Variants in MMS19 observed in about 807,000 individuals in gnomAD.
MMS19 encodes the protein MMS19 cytosolic iron-sulfur assembly component, also known as MMS19 nucleotide excision repair protein homolog.
A neutral mutation model predicts 129.8 loss-of-function variants in MMS19; 77 were observed. That is an observed-to-expected ratio of 0.59 (90% CI 0.49 to 0.72). The LOEUF is 0.72. MMS19 is among the 30% of genes least tolerant of loss of function. The pLI is 0.00. For missense variants in MMS19, 1,168 were observed against 1,266.3 expected, an observed-to-expected ratio of 0.92 and a Z score of 1.18; for synonymous variants, 491 against 502.8, an observed-to-expected ratio of 0.98 and a Z score of 0.31.
chr10:97,466,251 T>C lies in MMS19; in HGVS notation c.1506-92A>G. ...ATTAGGCAGATTCAGGAGTGTGAGC[T>C]CCCAACGCCTCCTTGCTAAAGAGCA... On this transcript the variant is annotated intron_variant, in intron 16 of 30. Transcript: ENST00000438925. 7.9e-6 allele frequency: 8 copies of C among 1,015,438 alleles called. 1 individual carries two copies. The allele number at this position is 1,015,438 out of a possible 1,614,324, so 62.9% of individuals were successfully genotyped here.
chr10:97,487,318 C>CTT (rs201462938), intron 1 of MMS19, among the ~76,000 whole-genome samples: 34,600 of 136,810 alleles, frequency 0.25, 4,809 homozygotes, highest in African/African-American at 0.31. Flanking sequence ...GAGAAAATTT[C>CTT]TTTTTTTTTT....
chr10:97,477,306 G>A (rs1564665530), intron 6 of MMS19, 41 bp downstream of exon 6: 2 of 1,613,916 alleles, frequency 1.2e-6, no homozygotes, highest in Admixed American at 1.7e-5. Flanking sequence ...AAAGTAGGAT[G>A]TGCTTGCTTT....
intron 1 of MMS19, among the ~76,000 whole-genome samples, chr10:97,486,148 T>C (rs892815966): frequency 6.6e-6 from 1 of 152,224 alleles, no homozygotes; most frequent in Non-Finnish European, 1.5e-5. Flanking sequence ...TATTCAGCTA[T>C]AAGAAAGAAA....
intron 9 of MMS19, 35 bp downstream of exon 9, chr10:97,470,740 C>T: frequency 7.4e-7 from 1 of 1,355,212 alleles, no homozygotes; most frequent in Non-Finnish European, 1.1e-6. Flanking sequence ...CATCTATGGG[C>T]AGAGGCTATA....
chr10:97,460,335 A>G, intron 25 of MMS19, 103 bp from the exon 26 acceptor site: 1 of 1,124,126 alleles, frequency 8.9e-7, no homozygotes, highest in Non-Finnish European at 1.2e-6. Context: ...TAATCCTAGC[A>G]CTTTGGGAGG....
chr10:97,458,578 T>C lies in MMS19; in HGVS notation c.*114A>G, dbSNP rs2030524103. 9.9e-7 allele frequency: 1 copy of C among 1,005,132 alleles called. No individual in the cohort carries two copies. Among genetic ancestry groups the C allele is most frequent in the Non-Finnish European group, 1.5e-6 (1 of 683,974 alleles). 62.3% of individuals were successfully genotyped at this position (1,005,132 alleles called of 1,614,324 possible). A position where few individuals can be genotyped will look rare whatever the true frequency, so the allele number is the denominator to read the frequency against. The stretch of plus-strand genomic sequence containing the variant: ...CAACAGAGGCCTAGCATTTGTGCTG[T>C]GTCTGTGGGAAAGGCAGTCAGAGAC... On this transcript the variant is annotated 3_prime_UTR_variant, in exon 31 of 31. Transcript: ENST00000438925.
chr10:97,473,909 G>A (rs906007160), intron 8 of MMS19, among the ~76,000 whole-genome samples: 1 of 152,012 alleles, frequency 6.6e-6, no homozygotes, highest in Non-Finnish European at 1.5e-5. Flanking sequence ...TTGGGAAGTC[G>A]AGGCAGGTGG....
intron 4 of MMS19, 61 bp downstream of exon 4, chr10:97,478,243 G>A: frequency 1.5e-6 from 2 of 1,348,588 alleles, no homozygotes; most frequent in Non-Finnish European, 1.0e-6. Context: ...AAAGCGCAAG[G>A]AGAGAACTAG....
At chr10:97,493,998 G>T (rs1304116050) in intron 1 of MMS19, among the ~76,000 whole-genome samples, 2 of 152,164 alleles carry the variant, frequency 1.3e-5, no homozygotes, top group Admixed American at 1.3e-4. Flanking sequence ...CTGGGCAACA[G>T]AGCAAAACTC....
chr10:97,462,769 C>CTGGGGCT lies in MMS19; in HGVS notation c.1913-94_1913-88dup. Reference sequence around the variant, plus strand: ...TTGGGTTCTGTCAGCATCACTGACTCTGGGGCTTGACTCTAGCCACGACAG... The same window carrying CTGGGGCT: ...TTGGGTTCTGTCAGCATCACTGACTCTGGGGCTTGGGGCTTGACTCTAGCCACGACAG... On this transcript the variant is annotated intron_variant, in intron 19 of 30. Transcript: ENST00000438925. 4 of 1,044,528 alleles carry CTGGGGCT rather than the reference C, an allele frequency of 3.8e-6. No homozygotes were observed. In the Admixed American group the frequency reaches 7.7e-5, roughly 20 times the overall value. The allele number at this position is 1,044,528 out of a possible 1,614,324, so 64.7% of individuals were successfully genotyped here. A position where few individuals can be genotyped will look rare whatever the true frequency, so the allele number is the denominator to read the frequency against.
intron 8 of MMS19, among the ~76,000 whole-genome samples, chr10:97,474,184 G>GT (rs2035317003): frequency 6.6e-6 from 1 of 150,732 alleles, no homozygotes; most frequent in Non-Finnish European, 1.5e-5. Context: ...TCTTCTTAGA[G>GT]TGAGCATATA....
At chr10:97,481,611 T>C (rs1329804313) in intron 2 of MMS19, among the ~76,000 whole-genome samples, 1 of 152,108 alleles carries the variant, frequency 6.6e-6, no homozygotes, top group African/African-American at 2.4e-5. Flanking sequence ...ACTAGTTAAC[T>C]AGGTAGGATT....
Position 97,481,039 on chromosome 10 carries a change from G to A in MMS19, c.165C>T (p.Ser55=), listed in dbSNP as rs1377230089. ...TTCGGGGTTCTGGATTCTCTAGAGA[G>A]GACCTAGGGGAAAACAGGATAGAGA... ...TVLQVVEALG[S]SLENPEPRTR... The change falls in exon 3 of 31, where the codon TCC becomes TCT. Residue 55 remains serine (S), a synonymous_variant. Transcript: ENST00000438925. The A allele has an allele frequency of 6.3e-7, 1 of 1,576,484 alleles. No individual in the cohort carries two copies. Among genetic ancestry groups the A allele is most frequent in the Admixed American group, 1.7e-5 (1 of 58,126 alleles).
chr10:97,482,982 G>C (rs1022734116), intron 2 of MMS19, among the ~76,000 whole-genome samples: 11 of 151,580 alleles, frequency 7.3e-5, no homozygotes, highest in Non-Finnish European at 1.2e-4. Flanking sequence ...GGATGGTCTC[G>C]ATCTCCTGAC....
At chr10:97,477,586 C>G (rs2035987854) in intron 5 of MMS19, among the ~76,000 whole-genome samples, 170 bp from the exon 6 acceptor site, 1 of 152,182 alleles carries the variant, frequency 6.6e-6, no homozygotes, top group Admixed American at 6.5e-5. Flanking sequence ...AGCAGCACAG[C>G]AGTGGTGCCA....
Position 97,466,114 on chromosome 10 carries a change from G to A in MMS19, c.1551C>T (p.Tyr517=). 6.3e-7 allele frequency: 1 copy of A among 1,596,936 alleles called. No homozygotes were observed. The highest frequency in any genetic ancestry group is 8.5e-7 in the Non-Finnish European group (1 of 1,171,550). ...CGAGGTGGCTGCTGAAGGCCACAGG[G>A]TAGAGAGCAGCCAGGGTTCCTGATG... ...LEASGTLAAL[Y]PVAFSSHLVP... is the part of the protein sequence containing the mutation. Residue 517 remains tyrosine (Y), a synonymous_variant, in exon 17 of 31, where the codon TAC becomes TAT. Coordinates refer to ENST00000438925, the MANE Select transcript of MMS19 (RefSeq NM_022362.5).
intron 1 of MMS19, among the ~76,000 whole-genome samples, chr10:97,495,850 C>T (rs1214798655): frequency 6.6e-6 from 1 of 152,256 alleles, no homozygotes; most frequent in Non-Finnish European, 1.5e-5. Flanking sequence ...GGCGCGATCT[C>T]CGCTCACGGC....
chr10:97,470,828 C>A lies in MMS19; in HGVS notation c.718G>T (p.Asp240Tyr). ...ACAGCGCGAAGACTCAGGATGAGGT[C>A]TTCTCTCTGGATACCATGGGGATCA... Reference protein sequence around the residue: ...PNDPHGIQREDLILSLRAVLA... With the variant: ...PNDPHGIQREYLILSLRAVLA... Residue 240 changes from aspartate to tyrosine, a missense_variant, in exon 9 of 31, where the codon GAC becomes TAC. Physicochemically the swap from Asp to Tyr is radical, Grantham distance 160. Around this residue, in one of 3 missense-constraint regions of MMS19, gnomAD observed 329 missense variants for 328.6 expected, o/e 1.00. Transcript: ENST00000438925. The A allele has an allele frequency of 6.2e-7, 1 of 1,613,848 alleles. No homozygotes were observed. The highest frequency in any genetic ancestry group is 8.5e-7 in the Non-Finnish European group (1 of 1,179,812).
chr10:97,495,218 G>A (rs2039571118), intron 1 of MMS19, among the ~76,000 whole-genome samples: 1 of 152,212 alleles, frequency 6.6e-6, no homozygotes, highest in Non-Finnish European at 1.5e-5. Flanking sequence ...TAAACGTCCA[G>A]GGAGCAGTGA....
Sources: gnomAD v4.1 joint callset for allele counts (sites outside exome capture counted in the v4.1 genomes callset) on GRCh38, gnomAD v4.1.1 for gene constraint, gnomAD v4.1.1 regional missense constraint, MANE v1.5 for transcripts, NCBI Gene and HGNC (gene_info 2026-07-23, HGNC 2026-07-21) for gene names.